KHDRBS2: variants seen among roughly 807,000 people sequenced by gnomAD.
KHDRBS2 encodes KH RNA binding domain containing, signal transduction associated 2, also known as KH domain-containing, RNA-binding, signal transduction-associated protein 2.
Under a neutral mutation model 44.3 loss-of-function variants are expected in KHDRBS2, and 26 were observed. The ratio of observed to expected loss-of-function variants is 0.59; its 90% CI spans 0.43 to 0.81. The LOEUF (loss-of-function observed/expected upper bound fraction) is 0.81, where lower values mean the gene tolerates loss of function less well. Among genes scored for constraint, KHDRBS2 ranks in the 40% least tolerant of loss-of-function variants. KHDRBS2 has a pLI of 0.00. For missense variants in KHDRBS2, 476 were observed against 433.1 expected, an observed-to-expected ratio of 1.10 and a Z score of -0.88; for synonymous variants, 194 against 151.1, an observed-to-expected ratio of 1.28 and a Z score of -2.08.
chr6:61,911,817 T>C (rs115740783), intron 4 of KHDRBS2, among the ~76,000 whole-genome samples: 1,565 of 152,152 alleles, frequency 0.01, 29 homozygotes, highest in African/African-American at 0.036. Flanking sequence ...AATATTGCCA[T>C]GAATGCCACT....
chr6:61,878,185 G>A (rs573106885), intron 6 of KHDRBS2, among the ~76,000 whole-genome samples: 2 of 151,946 alleles, frequency 1.3e-5, no homozygotes, highest in South Asian at 4.2e-4. Context: ...ACCTGCTCCA[G>A]TTCCTGCTGC....
At chr6:62,197,982 TGAC>T (rs1397563148) in intron 1 of KHDRBS2, among the ~76,000 whole-genome samples, 2 of 152,150 alleles carry the variant, frequency 1.3e-5, no homozygotes, top group Non-Finnish European at 2.9e-5. Flanking sequence ...TGCTCCTGAA[TGAC>T]TACTGGGTAA....
intron 1 of KHDRBS2, among the ~76,000 whole-genome samples, chr6:62,213,020 G>A (rs974001852): frequency 3.3e-5 from 5 of 152,050 alleles, no homozygotes; most frequent in African/African-American, 1.2e-4. Context: ...ACAGGGGAGA[G>A]TGTAAAAAAA....
intron 6 of KHDRBS2, among the ~76,000 whole-genome samples, chr6:61,839,741 G>T (rs979901754): frequency 6.6e-6 from 1 of 152,080 alleles, no homozygotes; most frequent in African/African-American, 2.4e-5. Context: ...CAAGAACACA[G>T]GTGTTTTGAT....
intron 1 of KHDRBS2, among the ~76,000 whole-genome samples, chr6:62,222,285 A>G (rs1002404240): frequency 2.6e-5 from 4 of 151,232 alleles, no homozygotes; most frequent in Non-Finnish European, 5.9e-5. Context: ...AGAATGTATT[A>G]CTCCACTTTC....
intron 5 of KHDRBS2, among the ~76,000 whole-genome samples, chr6:61,899,368 C>T (rs1049601215): frequency 6.6e-6 from 1 of 151,860 alleles, no homozygotes; most frequent in Non-Finnish European, 1.5e-5. Context: ...TTCGTTAATG[C>T]TAGCACCACT....
At chr6:62,285,825 C>A (rs1479276580) in intron 1 of KHDRBS2, 33 bp downstream of exon 1, 1 of 1,508,756 alleles carries the variant, frequency 6.6e-7, no homozygotes, top group Non-Finnish European at 9.2e-7. Flanking sequence ...AGGCAGCCGG[C>A]GGTTTGTGCC....
At chr6:62,158,102 T>C (rs1274937977) in intron 2 of KHDRBS2, among the ~76,000 whole-genome samples, 1 of 152,196 alleles carries the variant, frequency 6.6e-6, no homozygotes, top group African/African-American at 2.4e-5. Context: ...CTTTCATCCA[T>C]TTCATCCCTA....
rs1584990342 is a variant in KHDRBS2, at chr6:62,157,536, G to T, written c.219+19649C>A. ...ACAGCATCAATTTTATCTCTGAGAT[G>T]TGTCTTCAGATGGGAACACAGGAAA... On this transcript the variant is annotated intron_variant, in intron 2 of 8. Transcript: ENST00000281156. 2.6e-5 allele frequency among the ~76,000 whole-genome samples: 4 copies of T among 152,286 alleles called. No homozygotes were observed. The South Asian group carries it at 8.3e-4, about 32-fold the overall frequency.
the KHDRBS2 span, among the ~76,000 whole-genome samples, chr6:61,669,581 C>G: frequency 6.6e-6 from 1 of 150,682 alleles, no homozygotes; most frequent in South Asian, 2.1e-4. Context: ...TTTTTATTTA[C>G]ACGTTTGATA....
intron 7 of KHDRBS2, among the ~76,000 whole-genome samples, chr6:61,723,193 T>C (rs1409560749): frequency 7.0e-6 from 1 of 143,878 alleles, no homozygotes; most frequent in East Asian, 2.0e-4. Context: ...AAAACAACAA[T>C]AATATCAACA....
intron 4 of KHDRBS2, among the ~76,000 whole-genome samples, chr6:61,920,930 A>C (rs1807961922): frequency 6.6e-6 from 1 of 151,972 alleles, no homozygotes; most frequent in East Asian, 1.9e-4. Flanking sequence ...AAAGGCAAAA[A>C]TTAATAAAAT....
chr6:61,914,992 T>C (rs1363718337), intron 4 of KHDRBS2, among the ~76,000 whole-genome samples: 1 of 152,096 alleles, frequency 6.6e-6, no homozygotes, highest in Non-Finnish European at 1.5e-5. Flanking sequence ...AAGATAGTTG[T>C]GACAATAGTC....
chr6:62,063,509 A>C (rs1241067071), intron 2 of KHDRBS2, among the ~76,000 whole-genome samples: 1 of 151,452 alleles, frequency 6.6e-6, no homozygotes, highest in Non-Finnish European at 1.5e-5. Flanking sequence ...CAGCATATAA[A>C]CAGAGCCACA....
At chr6:61,927,713 C>T (rs1188468132) in intron 4 of KHDRBS2, among the ~76,000 whole-genome samples, 3 of 152,132 alleles carry the variant, frequency 2.0e-5, no homozygotes, top group Non-Finnish European at 4.4e-5. Flanking sequence ...TTTGAAAACA[C>T]AGGTTGACTC....
At chr6:61,945,951 T>A (rs1373837152) in intron 4 of KHDRBS2, among the ~76,000 whole-genome samples, 2 of 152,182 alleles carry the variant, frequency 1.3e-5, no homozygotes, top group Non-Finnish European at 2.9e-5. Flanking sequence ...GCATTATAAA[T>A]CACATAAATA....
At chr6:61,929,741 G>T (rs1220544941) in intron 4 of KHDRBS2, among the ~76,000 whole-genome samples, 2 of 151,980 alleles carry the variant, frequency 1.3e-5, no homozygotes, top group African/African-American at 4.8e-5. Flanking sequence ...AAACTAAAAA[G>T]CTAAAAAGAG....
At chr6:62,224,179 C>T (rs1018506390) in intron 1 of KHDRBS2, among the ~76,000 whole-genome samples, 17 of 152,128 alleles carry the variant, frequency 1.1e-4, no homozygotes, top group African/African-American at 3.9e-4. Flanking sequence ...GCACTGCTTA[C>T]ATGACAGCAG....
intron 6 of KHDRBS2, among the ~76,000 whole-genome samples, chr6:61,818,679 T>C (rs904443676): frequency 3.3e-5 from 5 of 151,956 alleles, no homozygotes; most frequent in Non-Finnish European, 5.9e-5. Flanking sequence ...AATGGTGAAA[T>C]TAATATTTCA....
Sources: allele counts gnomAD v4.1 joint callset (sites outside exome capture counted in the v4.1 genomes callset), GRCh38; gene constraint gnomAD v4.1.1; transcripts MANE v1.5; gene names NCBI Gene and HGNC (gene_info 2026-07-23, HGNC 2026-07-21).